SGSM3: variants seen among roughly 807,000 people sequenced by gnomAD.
SGSM3 encodes RUN and SH3 containing 3.
SGSM3 carries 96 observed loss-of-function variants against 100.5 expected under a neutral mutation model. That is an observed-to-expected ratio of 0.96 (90% CI 0.81 to 1.13). The LOEUF (loss-of-function observed/expected upper bound fraction) is 1.13. Among genes scored for constraint, SGSM3 ranks in the 50% most tolerant of loss-of-function variants. The pLI, the probability that SGSM3 is intolerant of heterozygous loss-of-function variation, is 0.00. For synonymous variants in SGSM3, 483 were observed against 422.8 expected, an observed-to-expected ratio of 1.14 and a Z score of -1.75; for missense variants, 1,001 against 1,015.8, an observed-to-expected ratio of 0.99 and a Z score of 0.20.
chr22:40,406,327 G>A (rs992792024), intron 9 of SGSM3, 104 bp downstream of exon 9: 3 of 1,536,274 alleles, frequency 2.0e-6, no homozygotes, highest in Non-Finnish European at 2.6e-6. Flanking sequence ...CCTGGCCCCT[G>A]ACAACTGTGC....
Position 40,402,137 on chromosome 22 carries a change from AGAAG to A in SGSM3, c.94_97del (p.Glu32SerfsTer35), listed in dbSNP as rs1569196839. 6.2e-7 allele frequency: 1 copy of A among 1,612,512 alleles called. No homozygotes were observed. Among genetic ancestry groups the A allele is most frequent in the Non-Finnish European group, 8.5e-7 (1 of 1,178,600 alleles). ...CTGACTTCAACCTCATCCTGATTCT[AGAAG>A]GAAGAGTCAGCAGAGCAACCAGAGT... On this transcript the variant is annotated splice_acceptor_variant and coding_sequence_variant, in exon 4 of 22. Transcript: ENST00000248929. LOFTEE classifies it high-confidence loss of function.
At chr22:40,390,097 A>T (rs1298624717) in intron 1 of SGSM3, 2 of 152,126 alleles carry the variant, frequency 1.3e-5, no homozygotes, top group Non-Finnish European at 2.9e-5. Flanking sequence ...TAGGGAAAAA[A>T]ATCTAAACTT....
intron 1 of SGSM3, among the ~76,000 whole-genome samples, chr22:40,387,776 G>A (rs2294348): frequency 6.6e-6 from 1 of 151,950 alleles, no homozygotes; most frequent in Non-Finnish European, 1.5e-5. Context: ...AGGAATGATC[G>A]AGGGAGGGAC....
rs1397690479 is a variant in SGSM3, at chr22:40,400,725, G to C, written c.-82G>C. On this transcript the variant is annotated 5_prime_UTR_variant, in exon 2 of 22. Transcript: ENST00000248929. ...GATGATTCTGGACCAGATGAAGCCTGAGGAGCCTTCCAGCTCTAAGATAGC... is the reference window on the plus strand; with the variant it reads ...GATGATTCTGGACCAGATGAAGCCTCAGGAGCCTTCCAGCTCTAAGATAGC... The C allele has an allele frequency of 9.3e-6, 13 of 1,400,250 alleles. No individual in the cohort carries two copies. The highest frequency in any genetic ancestry group is 1.2e-5 in the Non-Finnish European group (12 of 1,009,840). 86.7% of individuals were successfully genotyped at this position (1,400,250 alleles called of 1,614,324 possible).
intron 1 of SGSM3, among the ~76,000 whole-genome samples, chr22:40,391,923 G>A (rs550877752): frequency 2.7e-4 from 41 of 152,282 alleles, no homozygotes; most frequent in African/African-American, 8.2e-4. Flanking sequence ...GGGCTGTGGC[G>A]AAAACTCAGG....
chr22:40,400,976 T>A (rs1302711538), intron 2 of SGSM3, among the ~76,000 whole-genome samples, 163 bp downstream of exon 2: 1 of 152,226 alleles, frequency 6.6e-6, no homozygotes, highest in Admixed American at 6.5e-5. Context: ...AACTTCCTTC[T>A]CAGCTCTGCT....
rs2052401542 is a variant in SGSM3 at position 40,410,080 on chromosome 22, A to ATAAAT, written c.*322_*326dup. 2.4e-6 allele frequency: 3 copies of ATAAAT among 1,232,670 alleles called. No homozygotes were observed. Among genetic ancestry groups the ATAAAT allele is most frequent in the Non-Finnish European group, 2.0e-6 (2 of 987,800 alleles). 76.4% of individuals were successfully genotyped at this position (1,232,670 alleles called of 1,614,324 possible). A position where few individuals can be genotyped will look rare whatever the true frequency, so the allele number is the denominator to read the frequency against. On this transcript the variant is annotated 3_prime_UTR_variant, in exon 22 of 22. Transcript: ENST00000248929. ...AGTAGGCTCCTGGCCTCTTTGGTTT[A>ATAAAT]TAAATAAACTGTGTCTGTCTTTGAG...
chr22:40,374,042 G>A (rs1057044919), intron 1 of SGSM3, among the ~76,000 whole-genome samples: 3 of 151,900 alleles, frequency 2.0e-5, no homozygotes, highest in African/African-American at 7.3e-5. Flanking sequence ...TCTGCCTCCC[G>A]GGTTTATTTA....
At position 40,408,897 on chromosome 22, in the gene SGSM3, G is replaced by A. The variant is rs201708732; in HGVS notation, c.1903-36G>A. On this transcript the variant is annotated intron_variant, in intron 18 of 21. Coordinates refer to ENST00000248929, the MANE Select transcript of SGSM3 (RefSeq NM_015705.6). ...AGACCTCTCTGGGGTTAGCCTGTGG[G>A]GGAGCCTGAGTGACAGCTGACGGTG... 390 of 1,613,924 alleles carry A rather than the reference G, an allele frequency of 2.4e-4. No homozygotes were observed. In the African/African-American group the frequency reaches 4.6e-3, roughly 19 times the overall value.
Position 40,387,118 on chromosome 22 carries a change from G to A in SGSM3, c.-111-13578G>A, listed in dbSNP as rs1434165070. On this transcript the variant is annotated intron_variant, in intron 1 of 21. Transcript: ENST00000248929. ...AGTATGGTATAGTGAGACTGCTGAG[G>A]GGTCAGTCCTTTGCTGAGGTGTAAA... 1.0e-5 allele frequency: 4 copies of A among 397,412 alleles called. 1 individual carries two copies. In the East Asian group the frequency reaches 1.1e-4, roughly 11 times the overall value. 24.6% of individuals were successfully genotyped at this position (397,412 alleles called of 1,614,324 possible).
intron 1 of SGSM3, among the ~76,000 whole-genome samples, chr22:40,389,778 C>T (rs1052722585): frequency 1.3e-5 from 2 of 151,334 alleles, no homozygotes; most frequent in Non-Finnish European, 1.5e-5. Context: ...GTGCTGCATG[C>T]CTGTAATTCC....
chr22:40,402,018 T>C (rs2050821357), intron 3 of SGSM3, 121 bp from the exon 4 acceptor site: 1 of 754,874 alleles, frequency 1.3e-6, no homozygotes, highest in African/African-American at 1.7e-5. Context: ...AAGAGTAGCC[T>C]TTGATCTGAG....
In SGSM3 at chr22:40,402,201, G is replaced by A. The variant is rs369989129; in HGVS notation, c.153G>A (p.Lys51=). ...YYDEFGFRVY[K]EEGDEPGSSL... Reference sequence around the variant, plus strand: ...ATGAGTTTGGTTTCCGTGTGTACAAGGAAGGTAAACTTGAGCCCCTTTTGT... The same window carrying A: ...ATGAGTTTGGTTTCCGTGTGTACAAAGAAGGTAAACTTGAGCCCCTTTTGT... The change falls in exon 4 of 22, where the codon AAG becomes AAA. Residue 51 remains lysine (K), a synonymous_variant. Transcript: ENST00000248929. 4 of 1,613,168 alleles carry A rather than the reference G, an allele frequency of 2.5e-6. No individual in the cohort carries two copies. Among genetic ancestry groups the A allele is most frequent in the African/African-American group, 2.7e-5 (2 of 75,022 alleles).
chr22:40,396,184 T>G (rs915571195), intron 1 of SGSM3, among the ~76,000 whole-genome samples: 12 of 152,208 alleles, frequency 7.9e-5, no homozygotes, highest in Admixed American at 5.2e-4. Flanking sequence ...TTCTTGGACT[T>G]TCCCGGCTTT....
intron 1 of SGSM3, among the ~76,000 whole-genome samples, chr22:40,398,104 A>G (rs1026729338): frequency 2.0e-4 from 30 of 150,714 alleles, no homozygotes; most frequent in African/African-American, 7.4e-4. Flanking sequence ...AGTAGCTGGG[A>G]CTACAGGCAC....
chr22:40,387,869 G>A (rs148673245), intron 1 of SGSM3, among the ~76,000 whole-genome samples: 2 of 152,340 alleles, frequency 1.3e-5, no homozygotes, highest in East Asian at 3.9e-4. Flanking sequence ...ATGAGTGTGA[G>A]CAAGTCCGCG....
At chr22:40,376,462 C>A (rs1416390251) in intron 1 of SGSM3, 1 of 152,006 alleles carries the variant, frequency 6.6e-6, no homozygotes, top group African/African-American at 2.4e-5. Flanking sequence ...CCTGGCTTTA[C>A]CATTGTAAAC....
intron 4 of SGSM3, 50 bp from the exon 5 acceptor site, chr22:40,404,197 A>T: frequency 6.9e-7 from 1 of 1,443,436 alleles, no homozygotes; most frequent in South Asian, 1.5e-5. Flanking sequence ...TGCTTGGAGA[A>T]CACGTAGTAG....
At chr22:40,408,255 T>TCAGACCCATCCCTCC (rs1384415192) in intron 15 of SGSM3, 22 bp from the exon 16 acceptor site, 1 of 1,612,328 alleles carries the variant, frequency 6.2e-7, no homozygotes, top group Non-Finnish European at 8.5e-7. Flanking sequence ...CAGGGCTTTC[T>TCAGACCCATCCCTCC]CAGACCCATC....
Sources: gnomAD v4.1 joint callset for allele counts (sites outside exome capture counted in the v4.1 genomes callset) on GRCh38, gnomAD v4.1.1 for gene constraint, MANE v1.5 for transcripts, NCBI Gene and HGNC (gene_info 2026-07-23, HGNC 2026-07-21) for gene names.